Variants in KIAA1958 observed in about 807,000 individuals in gnomAD.
The protein encoded by KIAA1958 is uncharacterized protein KIAA1958.
A neutral mutation model predicts 47.2 loss-of-function variants in KIAA1958; 14 were observed. The observed-to-expected ratio is 0.30, with a 90% confidence interval of 0.20 to 0.46. The LOEUF (loss-of-function observed/expected upper bound fraction) is 0.46, where lower values mean the gene tolerates loss of function less well. Ranked by LOEUF, KIAA1958 falls within the 20% of genes least tolerant of loss-of-function variation. The probability of loss-of-function intolerance (pLI) is 1.00; values close to 1 mark genes in which losing one functional copy is unlikely to be tolerated. For synonymous variants in KIAA1958, 354 were observed against 353.3 expected, an observed-to-expected ratio of 1.00 and a Z score of -0.02; for missense variants, 803 against 909.2, an observed-to-expected ratio of 0.88 and a Z score of 1.50.
chr9:112,530,380 C>G (rs188972767), intron 1 of KIAA1958, among the ~76,000 whole-genome samples: 8 of 152,268 alleles, frequency 5.3e-5, no homozygotes, highest in African/African-American at 1.9e-4. Flanking sequence ...GTTTTCTGAA[C>G]ATTTTCTTAT....
intron 3 of KIAA1958, among the ~76,000 whole-genome samples, chr9:112,652,594 T>G (rs924708841): frequency 6.6e-6 from 1 of 152,144 alleles, no homozygotes; most frequent in African/African-American, 2.4e-5. Context: ...CTAGGTTAAT[T>G]CGTTGGTTTA....
intron 1 of KIAA1958, among the ~76,000 whole-genome samples, chr9:112,501,276 C>CA (rs142264952): frequency 5.0e-4 from 72 of 143,546 alleles, no homozygotes; most frequent in African/African-American, 1.3e-3. Flanking sequence ...CTTGTCTTTA[C>CA]AAAAAAAAAA....
chr9:112,644,368 A>G (rs1436475858), intron 2 of KIAA1958, among the ~76,000 whole-genome samples: 2 of 152,036 alleles, frequency 1.3e-5, no homozygotes, highest in East Asian at 1.9e-4. Context: ...AGTGAACCCA[A>G]TTTGCAGTTC....
intron 1 of KIAA1958, among the ~76,000 whole-genome samples, chr9:112,519,020 C>G (rs1024690111): frequency 2.0e-5 from 3 of 152,162 alleles, no homozygotes; most frequent in African/African-American, 7.2e-5. Context: ...GCCTTGAACT[C>G]CTGGGCTCAA....
At chr9:112,522,162 G>A (rs758425120) in intron 1 of KIAA1958, among the ~76,000 whole-genome samples, 3 of 152,004 alleles carry the variant, frequency 2.0e-5, no homozygotes, top group Non-Finnish European at 4.4e-5. Context: ...GTAGAGACGA[G>A]GTTTCTCCTT....
chr9:112,539,481 A>G (rs1014871860), intron 1 of KIAA1958, among the ~76,000 whole-genome samples: 5 of 152,136 alleles, frequency 3.3e-5, no homozygotes, highest in African/African-American at 1.2e-4. Context: ...ACCAGTCTGT[A>G]GAGACTCAGT....
intron 1 of KIAA1958, among the ~76,000 whole-genome samples, chr9:112,521,814 A>G (rs1009445860): frequency 2.6e-5 from 4 of 152,136 alleles, no homozygotes; most frequent in Admixed American, 6.5e-5. Context: ...AAAAAAATCA[A>G]TAGGATACAT....
At chr9:112,527,619 G>C (rs145018032) in intron 1 of KIAA1958, among the ~76,000 whole-genome samples, 2 of 152,010 alleles carry the variant, frequency 1.3e-5, no homozygotes, top group Admixed American at 1.3e-4. Context: ...GTTTGAAGGG[G>C]TCAAGCGGTA....
intron 1 of KIAA1958, among the ~76,000 whole-genome samples, chr9:112,543,739 A>G (rs1834983429): frequency 6.6e-6 from 1 of 151,648 alleles, no homozygotes; most frequent in African/African-American, 2.4e-5. Context: ...ATGCCTGTCT[A>G]ATTTTGTATT....
chr9:112,508,126 A>T (rs1026578500), intron 1 of KIAA1958, among the ~76,000 whole-genome samples: 1 of 152,190 alleles, frequency 6.6e-6, no homozygotes, highest in Non-Finnish European at 1.5e-5. Flanking sequence ...TTAGCATATG[A>T]CTTTCTTTTA....
At chr9:112,608,677 G>T (rs1836275571) in intron 2 of KIAA1958, among the ~76,000 whole-genome samples, 1 of 152,068 alleles carries the variant, frequency 6.6e-6, no homozygotes, top group African/African-American at 2.4e-5. Flanking sequence ...TGTGGTCCCA[G>T]CTACTATGGA....
Position 112,533,419 on chromosome 9 carries a change from C to T in KIAA1958, c.-24-40638C>T, listed in dbSNP as rs1289788407. Among the ~76,000 whole-genome samples, 3 of 17,730 alleles carry T rather than the reference C, an allele frequency of 1.7e-4. No homozygotes were observed. The East Asian group carries it at 2.4e-3, about 14-fold the overall frequency. 11.6% of individuals were successfully genotyped at this position (17,730 alleles called of 152,430 possible). On this transcript the variant is annotated intron_variant, in intron 1 of 3. Coordinates refer to ENST00000337530, the MANE Select transcript of KIAA1958 (RefSeq NM_133465.4). ...GTGAAACCCCACTCTACTAAAAATACAAAGAAAAAAAAAATAGCCAGGCGT... is the reference window on the plus strand; with the variant it reads ...GTGAAACCCCACTCTACTAAAAATATAAAGAAAAAAAAAATAGCCAGGCGT...
At chr9:112,602,023 C>T (rs563778103) in intron 2 of KIAA1958, among the ~76,000 whole-genome samples, 1 of 152,238 alleles carries the variant, frequency 6.6e-6, no homozygotes, top group South Asian at 2.1e-4. Context: ...GCTATAATAG[C>T]TTACAAATCA....
At chr9:112,502,661 A>G (rs1390868853) in intron 1 of KIAA1958, among the ~76,000 whole-genome samples, 1 of 152,236 alleles carries the variant, frequency 6.6e-6, no homozygotes, top group East Asian at 1.9e-4. Context: ...ATGCACAAAA[A>G]CATTCAATGA....
At chr9:112,639,002 G>A (rs549460595) in intron 2 of KIAA1958, among the ~76,000 whole-genome samples, 4 of 152,116 alleles carry the variant, frequency 2.6e-5, no homozygotes, top group South Asian at 2.1e-4. Flanking sequence ...TTTTCTCAAC[G>A]AATTTTGAAA....
intron 2 of KIAA1958, among the ~76,000 whole-genome samples, chr9:112,597,497 T>C (rs1181056737): frequency 6.6e-6 from 1 of 152,226 alleles, no homozygotes; most frequent in Non-Finnish European, 1.5e-5. Flanking sequence ...ATGGTGATGC[T>C]TCTCTTACAT....
At chr9:112,494,834 T>C (rs1420516491) in intron 1 of KIAA1958, among the ~76,000 whole-genome samples, 2 of 152,212 alleles carry the variant, frequency 1.3e-5, no homozygotes, top group Admixed American at 1.3e-4. Flanking sequence ...TTCTTTCCTG[T>C]TCTGTCATGA....
chr9:112,609,464 A>T (rs911654435), intron 2 of KIAA1958, among the ~76,000 whole-genome samples: 1 of 152,246 alleles, frequency 6.6e-6, no homozygotes, highest in Admixed American at 6.5e-5. Context: ...AGGTGAAGTT[A>T]TGTGACTAGA....
intron 2 of KIAA1958, among the ~76,000 whole-genome samples, chr9:112,620,613 C>T (rs1386928848): frequency 1.3e-5 from 2 of 152,036 alleles, no homozygotes; most frequent in Non-Finnish European, 2.9e-5. Context: ...ATGACTTTTC[C>T]TCCATAGAGA....
Sources: gnomAD v4.1 joint callset for allele counts (sites outside exome capture counted in the v4.1 genomes callset) on GRCh38, gnomAD v4.1.1 for gene constraint, MANE v1.5 for transcripts, NCBI Gene and HGNC (gene_info 2026-07-23, HGNC 2026-07-21) for gene names.